The following HPSE2 variants were observed in gnomAD, a reference collection of about 807,000 sequenced individuals.
HPSE2 encodes heparanase 2 (inactive).
In HPSE2, 38 loss-of-function variants were observed where a neutral mutation model predicts 60.5. The observed-to-expected ratio is 0.63, with a 90% CI of 0.48 to 0.82. The LOEUF is 0.82. HPSE2 is among the 40% of genes least tolerant of loss of function. The pLI, the probability that HPSE2 is intolerant of heterozygous loss-of-function variation, is 0.00. For missense variants in HPSE2, 713 were observed against 740.4 expected (o/e 0.96, Z 0.43); for synonymous variants, 295 against 293.2 (o/e 1.01, Z -0.06).
chr10:99,209,525 G>A (rs1179284027), intron 2 of HPSE2, among the ~76,000 whole-genome samples: 3 of 151,230 alleles, frequency 2.0e-5, no homozygotes, highest in African/African-American at 4.9e-5. Flanking sequence ...TGCTTACAGG[G>A]GAAAAAAAAG....
At chr10:99,105,517 T>G (rs986550777) in intron 3 of HPSE2, among the ~76,000 whole-genome samples, 10 of 151,992 alleles carry the variant, frequency 6.6e-5, no homozygotes, top group Admixed American at 2.6e-4. Context: ...TTTTTTCTAT[T>G]CTGGATAGAA....
intron 9 of HPSE2, among the ~76,000 whole-genome samples, chr10:98,600,783 A>C: frequency 7.8e-6 from 1 of 127,810 alleles, no homozygotes; most frequent in Non-Finnish European, 1.7e-5. Context: ...TACATACATA[A>C]ACATGTATGT....
At chr10:98,727,452 A>T (rs1210631212) in intron 4 of HPSE2, among the ~76,000 whole-genome samples, 1 of 152,124 alleles carries the variant, frequency 6.6e-6, no homozygotes, top group Non-Finnish European at 1.5e-5. Flanking sequence ...GGATTTTAAG[A>T]CCAGCCTGGC....
chr10:98,810,666 G>A (rs1311267567), intron 3 of HPSE2, among the ~76,000 whole-genome samples: 2 of 151,976 alleles, frequency 1.3e-5, no homozygotes, highest in Non-Finnish European at 2.9e-5. Context: ...AGGGGTATAC[G>A]GTCTTTTGGC....
intron 9 of HPSE2, among the ~76,000 whole-genome samples, chr10:98,607,497 G>A (rs1945627284): frequency 6.6e-6 from 1 of 152,166 alleles, no homozygotes; most frequent in Admixed American, 6.5e-5. Context: ...ACCAAATGAA[G>A]GTGCTGGGGC....
At chr10:98,707,891 G>T (rs1239041587) in intron 5 of HPSE2, among the ~76,000 whole-genome samples, 1 of 152,046 alleles carries the variant, frequency 6.6e-6, no homozygotes, top group Non-Finnish European at 1.5e-5. Flanking sequence ...GAATAATGAA[G>T]GGGCATTTAT....
intron 3 of HPSE2, among the ~76,000 whole-genome samples, chr10:98,759,149 A>G (rs1333928514): frequency 6.7e-6 from 1 of 150,290 alleles, no homozygotes; most frequent in Non-Finnish European, 1.5e-5. Context: ...ATACATGGAC[A>G]CAAAGAAGGG....
chr10:98,766,203 A>G (rs1028657788), intron 3 of HPSE2, among the ~76,000 whole-genome samples: 1 of 152,180 alleles, frequency 6.6e-6, no homozygotes, highest in Non-Finnish European at 1.5e-5. Flanking sequence ...GCCTTGAGAG[A>G]CACAAACTAC....
At chr10:99,027,081 TA>T (rs1048751804) in intron 3 of HPSE2, among the ~76,000 whole-genome samples, 52 of 150,528 alleles carry the variant, frequency 3.5e-4, no homozygotes, top group African/African-American at 1.2e-3. Flanking sequence ...AAGAACAAAC[TA>T]AACCCAAAAA....
intron 2 of HPSE2, among the ~76,000 whole-genome samples, chr10:99,190,510 T>TA (rs1190851501): frequency 6.6e-6 from 1 of 152,208 alleles, no homozygotes; most frequent in Non-Finnish European, 1.5e-5. Context: ...TCCACACAGT[T>TA]AGAGTTCATA....
At chr10:99,096,017 T>C (rs1205931229) in intron 3 of HPSE2, among the ~76,000 whole-genome samples, 2 of 152,138 alleles carry the variant, frequency 1.3e-5, no homozygotes, top group Admixed American at 6.5e-5. Context: ...TGCAAAAACA[T>C]AAAAGAAAAT....
intron 3 of HPSE2, among the ~76,000 whole-genome samples, chr10:98,954,492 A>G (rs1459110873): frequency 6.6e-6 from 1 of 152,192 alleles, no homozygotes; most frequent in Non-Finnish European, 1.5e-5. Context: ...CACATTAAGA[A>G]TATTTAAGTT....
chr10:98,484,621 T>G (rs1449931226), intron 10 of HPSE2, among the ~76,000 whole-genome samples: 3 of 152,246 alleles, frequency 2.0e-5, no homozygotes. Flanking sequence ...CAGTTTTCTT[T>G]GACCGTTTCA....
intron 9 of HPSE2, among the ~76,000 whole-genome samples, chr10:98,584,582 C>T (rs1464792430): frequency 6.6e-6 from 1 of 152,186 alleles, no homozygotes; most frequent in Non-Finnish European, 1.5e-5. Context: ...AACTCCTCAC[C>T]TCAAAATCCC....
chr10:98,884,572 C>T (rs1331341398), intron 3 of HPSE2, among the ~76,000 whole-genome samples: 2 of 152,108 alleles, frequency 1.3e-5, no homozygotes, highest in Non-Finnish European at 2.9e-5. Flanking sequence ...AAAATCTACT[C>T]CATCTGTGCT....
At chr10:98,623,584 G>A (rs1187978511) in intron 7 of HPSE2, among the ~76,000 whole-genome samples, 1 of 152,126 alleles carries the variant, frequency 6.6e-6, no homozygotes, top group African/African-American at 2.4e-5. Flanking sequence ...CCATAATGTG[G>A]AAACAAGAAT....
At chr10:99,299,118 G>A in the HPSE2 span, among the ~76,000 whole-genome samples, 1 of 152,068 alleles carries the variant, frequency 6.6e-6, no homozygotes, top group African/African-American at 2.4e-5. Context: ...TAGGAGGTCT[G>A]TGCTCCCTCT....
intron 3 of HPSE2, among the ~76,000 whole-genome samples, chr10:98,958,218 C>G (rs553844813): frequency 6.6e-6 from 1 of 152,252 alleles, no homozygotes; most frequent in South Asian, 2.1e-4. Context: ...CATATATTTA[C>G]ACATACACAT....
Position 98,947,881 on chromosome 10 carries a change from AGT to A in HPSE2, c.610+196355_610+196356del, listed in dbSNP as rs386746947. On this transcript the variant is annotated intron_variant, in intron 3 of 11. Coordinates refer to ENST00000370552, the MANE Select transcript of HPSE2 (RefSeq NM_021828.5). The stretch of plus-strand genomic sequence containing the variant: ...CCCTGAAGTCAGGAAGCACCTTTCC[AGT>A]AAGGGATGGCTTTTAAAGTTCTTTT... Among the ~76,000 whole-genome samples, 457 of 152,272 alleles carry A rather than the reference AGT, an allele frequency of 3.0e-3. 1 individual carries two copies. Among genetic ancestry groups the A allele is most frequent in the African/African-American group, 0.011 (439 of 41,568 alleles).
Sources: gnomAD v4.1 joint callset for allele counts (sites outside exome capture counted in the v4.1 genomes callset) on GRCh38, gnomAD v4.1.1 for gene constraint, MANE v1.5 for transcripts, NCBI Gene and HGNC (gene_info 2026-07-23, HGNC 2026-07-21) for gene names.